The following ACAP2 variants were observed in gnomAD, a reference collection of about 807,000 sequenced individuals.
ACAP2 encodes arf-GAP with coiled-coil, ANK repeat and PH domain-containing protein 2.
ACAP2 carries 39 observed loss-of-function variants against 115.8 expected under a neutral mutation model. The ratio of observed to expected loss-of-function variants is 0.34; its 90% CI spans 0.26 to 0.44. The LOEUF (loss-of-function observed/expected upper bound fraction) is 0.44, where lower values mean the gene tolerates loss of function less well. Among genes scored for constraint, ACAP2 ranks in the 20% least tolerant of loss-of-function variants. The pLI, the probability that ACAP2 is intolerant of heterozygous loss-of-function variation, is 1.00. For synonymous variants in ACAP2, 289 were observed against 315.8 expected, an observed-to-expected ratio of 0.92 and a Z score of 0.90; for missense variants, 662 against 927.6, an observed-to-expected ratio of 0.71 and a Z score of 3.72.
intron 4 of ACAP2, among the ~76,000 whole-genome samples, chr3:195,363,458 C>T (rs1237494499): frequency 6.6e-6 from 1 of 152,066 alleles, no homozygotes; most frequent in African/African-American, 2.4e-5. Flanking sequence ...GCCTGACCAA[C>T]ATGAAGAAAC....
At chr3:195,391,909 C>A (rs1278984242) in intron 2 of ACAP2, among the ~76,000 whole-genome samples, 181 bp downstream of exon 2, 3 of 151,926 alleles carry the variant, frequency 2.0e-5, no homozygotes, top group Non-Finnish European at 4.4e-5. Flanking sequence ...GCAGGAGGAT[C>A]GTTTGAACCC....
chr3:195,368,024 T>C (rs183317644), intron 4 of ACAP2, among the ~76,000 whole-genome samples: 25 of 152,348 alleles, frequency 1.6e-4, no homozygotes, highest in Admixed American at 1.6e-3. Flanking sequence ...ATTTAAGATA[T>C]TGATGTTTAT....
intron 15 of ACAP2, among the ~76,000 whole-genome samples, chr3:195,301,000 G>A (rs776210646): frequency 1.2e-4 from 18 of 152,218 alleles, no homozygotes; most frequent in Non-Finnish European, 2.4e-4. Context: ...GCACAAGGGA[G>A]CGAAGACCTT....
chr3:195,410,455 CAG>C (rs1713162861), intron 1 of ACAP2, among the ~76,000 whole-genome samples: 1 of 152,076 alleles, frequency 6.6e-6, no homozygotes, highest in Admixed American at 6.6e-5. Context: ...TCAAAAGACA[CAG>C]AGTAAAAAAT....
At chr3:195,304,092 A>G (rs1728249270) in intron 13 of ACAP2, among the ~76,000 whole-genome samples, 1 of 129,898 alleles carries the variant, frequency 7.7e-6, no homozygotes, top group African/African-American at 2.9e-5. Context: ...TGAACCTGGG[A>G]GGTGGAAGTT....
At chr3:195,401,419 T>A (rs200296405) in intron 1 of ACAP2, among the ~76,000 whole-genome samples, 2 of 152,120 alleles carry the variant, frequency 1.3e-5, no homozygotes, top group Non-Finnish European at 2.9e-5. Flanking sequence ...AATCCCAGCA[T>A]TTTGGGAGGC....
At chr3:195,313,366 A>C (rs1728884311) in intron 10 of ACAP2, among the ~76,000 whole-genome samples, 1 of 152,220 alleles carries the variant, frequency 6.6e-6, no homozygotes, top group African/African-American at 2.4e-5. Flanking sequence ...GCTGCTCCTA[A>C]AAGTTCAGGA....
chr3:195,429,355 G>A (rs541371717), intron 1 of ACAP2, among the ~76,000 whole-genome samples: 48 of 146,960 alleles, frequency 3.3e-4, no homozygotes, highest in African/African-American at 1.2e-3. Flanking sequence ...CTCCAGCCTG[G>A]GCAAAAGAGC....
chr3:195,439,061 CA>C (rs5855626), intron 1 of ACAP2, among the ~76,000 whole-genome samples: 33 of 141,604 alleles, frequency 2.3e-4, no homozygotes, highest in Admixed American at 2.1e-4. Flanking sequence ...AACTCTATCT[CA>C]AAAAAAAAAA....
At chr3:195,390,709 G>T (rs1217275662) in intron 2 of ACAP2, among the ~76,000 whole-genome samples, 2 of 152,162 alleles carry the variant, frequency 1.3e-5, no homozygotes, top group East Asian at 1.9e-4. Context: ...TCCCCCAGGG[G>T]TTCCTAAGCA....
At chr3:195,442,172 G>A (rs1716049668) in intron 1 of ACAP2, 1 of 152,878 alleles carries the variant, frequency 6.5e-6, no homozygotes, top group Admixed American at 6.5e-5. Flanking sequence ...ACGGAATGCG[G>A]TTGATCACAG....
At chr3:195,319,686 C>T (rs1426313462) in intron 10 of ACAP2, among the ~76,000 whole-genome samples, 1 of 152,172 alleles carries the variant, frequency 6.6e-6, no homozygotes, top group Admixed American at 6.5e-5. Flanking sequence ...CTGTATTTCC[C>T]TTGTATCTTG....
chr3:195,311,572 T>C (rs1728770899), intron 10 of ACAP2, among the ~76,000 whole-genome samples: 1 of 152,248 alleles, frequency 6.6e-6, no homozygotes, highest in Admixed American at 6.5e-5. Context: ...AGTCTCACTC[T>C]GTTGCCCAGG....
chr3:195,402,223 T>C (rs1384135981), intron 1 of ACAP2, among the ~76,000 whole-genome samples: 6 of 152,178 alleles, frequency 3.9e-5, no homozygotes, highest in African/African-American at 1.4e-4. Flanking sequence ...GAATGGAGCA[T>C]TTAAAACAAC....
At chr3:195,338,968 C>T (rs1404719058) in intron 6 of ACAP2, among the ~76,000 whole-genome samples, 7 of 151,902 alleles carry the variant, frequency 4.6e-5, no homozygotes, top group East Asian at 1.9e-4. Flanking sequence ...AGGTGGCTCA[C>T]GCCTGTAATC....
At chr3:195,442,469 G>A (rs1423873427) in intron 1 of ACAP2, among the ~76,000 whole-genome samples, 5 of 152,256 alleles carry the variant, frequency 3.3e-5, no homozygotes, top group Non-Finnish European at 7.3e-5. Context: ...GCGAGCGCCC[G>A]CGAAGGGGAC....
intron 8 of ACAP2, among the ~76,000 whole-genome samples, chr3:195,330,400 A>G (rs1730088549): frequency 6.6e-6 from 1 of 152,180 alleles, no homozygotes; most frequent in Non-Finnish European, 1.5e-5. Context: ...CTTATTTGAG[A>G]TCTAGAGAGG....
intron 22 of ACAP2, chr3:195,280,664 G>A (rs1726441201): frequency 1.3e-5 from 2 of 151,950 alleles, no homozygotes; most frequent in South Asian, 4.2e-4. Flanking sequence ...ATAGATTATA[G>A]ATACTGATAT....
intron 13 of ACAP2, among the ~76,000 whole-genome samples, chr3:195,304,119 G>A (rs1380737544): frequency 8.1e-6 from 1 of 123,848 alleles, no homozygotes; most frequent in African/African-American, 3.2e-5. Flanking sequence ...AGCTGAGACC[G>A]TGCCCCTGCA....
Sources: allele counts gnomAD v4.1 joint callset (sites outside exome capture counted in the v4.1 genomes callset), GRCh38; gene constraint gnomAD v4.1.1; transcripts MANE v1.5; gene names NCBI Gene and HGNC (gene_info 2026-07-23, HGNC 2026-07-21).